The following MYRIP variants were observed in gnomAD, a reference collection of about 807,000 sequenced individuals.
MYRIP encodes myosin VIIA and Rab interacting protein.
MYRIP carries 49 observed loss-of-function variants against 98.0 expected under a neutral mutation model. The observed-to-expected ratio is 0.50, with a 90% CI of 0.40 to 0.63. The LOEUF (loss-of-function observed/expected upper bound fraction) is 0.63. MYRIP is among the 30% of genes least tolerant of loss of function. MYRIP has a pLI of 0.00. For missense variants in MYRIP, 1,004 were observed against 1,058.2 expected, an observed-to-expected ratio of 0.95 and a Z score of 0.71; for synonymous variants, 404 against 409.5, an observed-to-expected ratio of 0.99 and a Z score of 0.16.
chr3:40,128,241 G>A (rs1276751189), intron 3 of MYRIP, among the ~76,000 whole-genome samples: 1 of 152,126 alleles, frequency 6.6e-6, no homozygotes, highest in East Asian at 1.9e-4. Context: ...AGCTGGATAG[G>A]AGAACTGACT....
Position 40,174,881 on chromosome 3 carries a change from C to T in MYRIP, c.873+4788C>T, listed in dbSNP as rs7621989. 6.8e-3 allele frequency among the ~76,000 whole-genome samples: 1,043 copies of T among 152,270 alleles called. 15 individuals carry two copies. Among genetic ancestry groups the T allele is most frequent in the African/African-American group, 0.023 (939 of 41,562 alleles). On this transcript the variant is annotated intron_variant, in intron 8 of 16. Coordinates refer to ENST00000302541, the MANE Select transcript of MYRIP (RefSeq NM_015460.4). ...ATTGGAGGCCGGGTGTGGTGGCTCA[C>T]GCCTGTAATCCCAGTGCTTTGGGAG...
At chr3:39,904,233 CTTTGTTTGTTGTTTGTTTGTTTG>C (rs1240449934) in intron 2 of MYRIP, among the ~76,000 whole-genome samples, 8 of 151,914 alleles carry the variant, frequency 5.3e-5, no homozygotes, top group African/African-American at 1.7e-4. Flanking sequence ...AAGTGTTTTT[CTTTGTTTGTTGTTTGTTTGTTTG>C]TTTGTTTGGA....
At chr3:39,867,516 A>G (rs942147508) in intron 1 of MYRIP, among the ~76,000 whole-genome samples, 2 of 152,162 alleles carry the variant, frequency 1.3e-5, no homozygotes, top group Non-Finnish European at 2.9e-5. Context: ...CAAATGATGA[A>G]TAGACATACA....
At chr3:40,226,168 C>T (rs566309930) in intron 11 of MYRIP, among the ~76,000 whole-genome samples, 6 of 152,162 alleles carry the variant, frequency 3.9e-5, no homozygotes, top group Non-Finnish European at 7.4e-5. Context: ...GGTGCTATTC[C>T]ACTTGGGCAT....
At chr3:39,946,621 C>T (rs974812731) in intron 2 of MYRIP, among the ~76,000 whole-genome samples, 12 of 152,280 alleles carry the variant, frequency 7.9e-5, no homozygotes, top group Middle Eastern at 3.4e-3. Flanking sequence ...ACAGCAGAGA[C>T]CTCAGTCCTA....
In MYRIP at chr3:40,210,068, A is replaced by G; in HGVS notation, c.1880A>G (p.Gln627Arg). ...KESLSSEDNS[Q>R]SVQEELKKKF... ...AGTCTGTCCTCTGAAGACAACAGCC[A>G]GAGTGTCCAGGAAGAGCTGAAGAAG... Residue 627 changes from glutamine (Q) to arginine (R), a missense_variant, in exon 11 of 17, where the codon CAG becomes CGG. Gln to Arg is a conservative substitution (Grantham distance 43, BLOSUM62 1). This residue lies in a region of MYRIP where 880 missense variants were observed against 907.7 expected (regional missense o/e 0.97). Transcript: ENST00000302541. 2 of 1,613,996 alleles carry G rather than the reference A, an allele frequency of 1.2e-6. No homozygotes were observed. The highest frequency in any genetic ancestry group is 1.7e-6 in the Non-Finnish European group (2 of 1,179,930).
intron 11 of MYRIP, among the ~76,000 whole-genome samples, chr3:40,218,612 T>TTTATATATATATATATATATATA (rs1337574787): frequency 1.5e-4 from 2 of 13,570 alleles, no homozygotes; most frequent in South Asian, 2.8e-3. Flanking sequence ...TATATATATT[T>TTTATATATATATATATATATATA]TATATATATA....
chr3:40,168,769 T>TC (rs918344513), intron 7 of MYRIP, among the ~76,000 whole-genome samples: 7 of 151,972 alleles, frequency 4.6e-5, no homozygotes, highest in African/African-American at 1.7e-4. Context: ...GGTTACTGAC[T>TC]CCCCCCTCTC....
chr3:40,124,678 G>A (rs540732071), intron 3 of MYRIP, among the ~76,000 whole-genome samples: 1 of 152,348 alleles, frequency 6.6e-6, no homozygotes, highest in African/African-American at 2.4e-5. Context: ...GCCTGGCAGG[G>A]ATATTCTGGC....
chr3:40,117,450 T>C (rs549467263), intron 3 of MYRIP, among the ~76,000 whole-genome samples: 71 of 152,326 alleles, frequency 4.7e-4, no homozygotes, highest in African/African-American at 1.7e-3. Context: ...ATTGATCCCT[T>C]CTTTCCAGGT....
chr3:39,817,699 A>C (rs544004778), intron 1 of MYRIP, among the ~76,000 whole-genome samples: 1 of 152,122 alleles, frequency 6.6e-6, no homozygotes, highest in Admixed American at 6.6e-5. Context: ...TACCCACAAC[A>C]CATTTCAACT....
At chr3:40,188,852 C>A (rs6805434) in intron 9 of MYRIP, among the ~76,000 whole-genome samples, 140,095 of 152,214 alleles carry the variant, frequency 0.92, 64,535 homozygotes, top group Middle Eastern at 0.96. Flanking sequence ...GAATAGCTAA[C>A]GGAGCAGCAT....
chr3:39,970,699 A>G (rs1351393574), intron 2 of MYRIP, among the ~76,000 whole-genome samples: 5 of 152,166 alleles, frequency 3.3e-5, no homozygotes, highest in Admixed American at 3.3e-4. Flanking sequence ...TGACTAATGC[A>G]CATTGTTTGA....
intron 1 of MYRIP, among the ~76,000 whole-genome samples, chr3:39,858,430 T>C (rs1011560015): frequency 2.0e-5 from 3 of 152,062 alleles, no homozygotes; most frequent in African/African-American, 7.2e-5. Flanking sequence ...TAAATAGCAA[T>C]GCAGTAACAG....
At chr3:39,967,902 C>T (rs1305677557) in intron 2 of MYRIP, among the ~76,000 whole-genome samples, 3 of 152,152 alleles carry the variant, frequency 2.0e-5, no homozygotes, top group Non-Finnish European at 2.9e-5. Context: ...GGTGTCTTTT[C>T]ATGTCCTCTG....
intron 4 of MYRIP, among the ~76,000 whole-genome samples, chr3:40,154,816 T>G (rs1950188436): frequency 6.6e-6 from 1 of 152,110 alleles, no homozygotes; most frequent in African/African-American, 2.4e-5. Flanking sequence ...TTTTTAACAG[T>G]TATCCTAAAA....
At chr3:40,008,070 T>C (rs1387441133) in intron 2 of MYRIP, among the ~76,000 whole-genome samples, 1 of 152,248 alleles carries the variant, frequency 6.6e-6, no homozygotes, top group African/African-American at 2.4e-5. Context: ...CAACTGGCTG[T>C]CTTTTGCTGA....
intron 1 of MYRIP, among the ~76,000 whole-genome samples, chr3:39,818,380 T>TA (rs1051357911): frequency 6.6e-6 from 1 of 152,226 alleles, no homozygotes; most frequent in African/African-American, 2.4e-5. Flanking sequence ...CCTTGCTTTT[T>TA]ATTTCACCTT....
In MYRIP at chr3:39,952,988, T is replaced by C. The variant is rs368223922; in HGVS notation, c.110+52062T>C. ...GTTAAATTTCTGGCTTGTCTTCATG[T>C]TGGTTGTCCCAAATAGGATCACAGC... On this transcript the variant is annotated intron_variant, in intron 2 of 16. Coordinates refer to ENST00000302541, the MANE Select transcript of MYRIP (RefSeq NM_015460.4). Among the ~76,000 whole-genome samples the C allele has an allele frequency of 1.1e-4, 16 of 152,290 alleles. No individual in the cohort carries two copies. The East Asian group carries it at 2.9e-3, about 28-fold the overall frequency.
Sources: gnomAD v4.1 joint callset for allele counts (sites outside exome capture counted in the v4.1 genomes callset) on GRCh38, gnomAD v4.1.1 for gene constraint, gnomAD v4.1.1 regional missense constraint, MANE v1.5 for transcripts, NCBI Gene and HGNC (gene_info 2026-07-23, HGNC 2026-07-21) for gene names.